Variants in ADAMTS3 observed in about 807,000 individuals in gnomAD.
The protein encoded by ADAMTS3 is A disintegrin and metalloproteinase with thrombospondin motifs 3.
In ADAMTS3, 73 loss-of-function variants were observed where a neutral mutation model predicts 129.0. The observed-to-expected ratio is 0.57, with a 90% CI of 0.47 to 0.69. ADAMTS3 has a LOEUF of 0.69. Among genes scored for constraint, ADAMTS3 ranks in the 30% least tolerant of loss-of-function variants. ADAMTS3 has a pLI of 0.00. For synonymous variants in ADAMTS3, 477 were observed against 510.8 expected, an observed-to-expected ratio of 0.93 and a Z score of 0.89; for missense variants, 1,457 against 1,514.5, an observed-to-expected ratio of 0.96 and a Z score of 0.63.
intron 3 of ADAMTS3, among the ~76,000 whole-genome samples, chr4:72,497,148 T>G (rs938841768): frequency 1.3e-5 from 2 of 151,938 alleles, no homozygotes; most frequent in African/African-American, 2.4e-5. Flanking sequence ...AATCCACAAA[T>G]TTATGATGGA....
intron 3 of ADAMTS3, among the ~76,000 whole-genome samples, chr4:72,438,387 T>C (rs953226444): frequency 6.6e-6 from 1 of 151,798 alleles, no homozygotes; most frequent in African/African-American, 2.4e-5. Context: ...TTATGAAATA[T>C]TTAATTCCTT....
rs544913185 is a variant in ADAMTS3, at chr4:72,399,122, A to T, written c.661+15693T>A. Among the ~76,000 whole-genome samples, 51 of 152,284 alleles carry T rather than the reference A, an allele frequency of 3.3e-4. No homozygotes were observed. The Middle Eastern group carries it at 0.02, about 61-fold the overall frequency. On this transcript the variant is annotated intron_variant, in intron 4 of 21. Transcript: ENST00000286657. Reference sequence around the variant, plus strand: ...AGCTTTCACTTTATTATCTAATTAAAAATGTGGAGAAAATGTTTAAGTTAT... The same window carrying T: ...AGCTTTCACTTTATTATCTAATTAATAATGTGGAGAAAATGTTTAAGTTAT...
At chr4:72,534,315 A>G (rs921521969) in intron 3 of ADAMTS3, among the ~76,000 whole-genome samples, 2 of 151,914 alleles carry the variant, frequency 1.3e-5, no homozygotes, top group African/African-American at 4.8e-5. Flanking sequence ...CGACAGAGCG[A>G]GACTCCGTCT....
chr4:72,545,025 G>T (rs1393722605), intron 3 of ADAMTS3, among the ~76,000 whole-genome samples: 6 of 151,842 alleles, frequency 4.0e-5, no homozygotes, highest in African/African-American at 1.5e-4. Flanking sequence ...AACATGAATG[G>T]TTTAATTTAA....
At chr4:72,283,789 G>A in intron 21 of ADAMTS3, 85 bp from the exon 22 acceptor site, 1 of 1,230,456 alleles carries the variant, frequency 8.1e-7, no homozygotes, top group Non-Finnish European at 1.1e-6. Flanking sequence ...TTTAATGAAT[G>A]TAAAAAGATT....
At chr4:72,507,181 T>A (rs961079519) in intron 3 of ADAMTS3, among the ~76,000 whole-genome samples, 1 of 152,184 alleles carries the variant, frequency 6.6e-6, no homozygotes, top group African/African-American at 2.4e-5. Context: ...TTTTACTTTT[T>A]AAAAAAGAAC....
chr4:72,425,003 T>A (rs968747762), intron 3 of ADAMTS3, among the ~76,000 whole-genome samples: 5 of 152,140 alleles, frequency 3.3e-5, no homozygotes, highest in Admixed American at 6.6e-5. Context: ...GGTAGGTACT[T>A]GTTGAATGAC....
intron 20 of ADAMTS3, 88 bp from the exon 21 acceptor site, chr4:72,288,956 AC>A: frequency 1.3e-6 from 1 of 775,430 alleles, no homozygotes. Flanking sequence ...ACACACACAC[AC>A]ACACACACAC....
chr4:72,295,369 A>C (rs573065951), intron 19 of ADAMTS3, among the ~76,000 whole-genome samples: 21 of 152,104 alleles, frequency 1.4e-4, no homozygotes, highest in African/African-American at 5.1e-4. Flanking sequence ...CCCACCTCCC[A>C]AAAAAAGTCA....
At chr4:72,416,172 A>AATATAAAAATATATATACATATATGT (rs1722299189) in intron 3 of ADAMTS3, among the ~76,000 whole-genome samples, 1 of 146,084 alleles carries the variant, frequency 6.8e-6, no homozygotes, top group Non-Finnish European at 1.5e-5. Flanking sequence ...AGCAAATATA[A>AATATAAAAATATATATACATATATGT]ATATAAATAT....
chr4:72,297,970 A>C (rs906549035), intron 18 of ADAMTS3, among the ~76,000 whole-genome samples: 4 of 152,116 alleles, frequency 2.6e-5, no homozygotes. Flanking sequence ...ACCAGAGTAC[A>C]CTGAATTTGG....
At chr4:72,424,693 TG>T (rs1722527565) in intron 3 of ADAMTS3, among the ~76,000 whole-genome samples, 1 of 82,344 alleles carries the variant, frequency 1.2e-5, no homozygotes, top group Non-Finnish European at 2.6e-5. Context: ...ATGAGAGTCT[TG>T]GGGGAAAAAA....
chr4:72,517,778 A>G (rs975496940), intron 3 of ADAMTS3, among the ~76,000 whole-genome samples: 2 of 151,612 alleles, frequency 1.3e-5, no homozygotes, highest in Admixed American at 1.3e-4. Context: ...TGATCCTTTC[A>G]AAAAACCAGC....
At chr4:72,300,621 CAAAT>C (rs1352541523) in intron 17 of ADAMTS3, among the ~76,000 whole-genome samples, 1 of 152,068 alleles carries the variant, frequency 6.6e-6, no homozygotes, top group Non-Finnish European at 1.5e-5. Context: ...AGACTTCTAA[CAAAT>C]AGTGCTAAAA....
intron 3 of ADAMTS3, among the ~76,000 whole-genome samples, chr4:72,517,233 T>A (rs568475640): frequency 1.3e-5 from 2 of 152,306 alleles, no homozygotes; most frequent in East Asian, 3.9e-4. Flanking sequence ...CTGGATTCGG[T>A]TTGCCAGTAT....
chr4:72,405,302 G>A (rs1259847956), intron 4 of ADAMTS3, among the ~76,000 whole-genome samples: 1 of 152,052 alleles, frequency 6.6e-6, no homozygotes, highest in Non-Finnish European at 1.5e-5. Context: ...AATGTTCACT[G>A]ATAGATGAAT....
chr4:72,336,103 T>C (rs1020760523), intron 5 of ADAMTS3, among the ~76,000 whole-genome samples: 1 of 152,158 alleles, frequency 6.6e-6, no homozygotes, highest in Admixed American at 6.5e-5. Context: ...GGAAATGAAA[T>C]TGACAACCAG....
intron 3 of ADAMTS3, among the ~76,000 whole-genome samples, chr4:72,458,294 A>C (rs1001354247): frequency 6.6e-6 from 1 of 151,614 alleles, no homozygotes; most frequent in Admixed American, 6.6e-5. Context: ...TCCAAATTTT[A>C]GTCTCTCTCT....
At chr4:72,438,194 C>T (rs1222430921) in intron 3 of ADAMTS3, among the ~76,000 whole-genome samples, 4 of 151,614 alleles carry the variant, frequency 2.6e-5, no homozygotes, top group Non-Finnish European at 4.4e-5. Context: ...TAAACAAAGT[C>T]TGCTGAAAGA....
Sources: gnomAD v4.1 joint callset for allele counts (sites outside exome capture counted in the v4.1 genomes callset) on GRCh38, gnomAD v4.1.1 for gene constraint, MANE v1.5 for transcripts, NCBI Gene and HGNC (gene_info 2026-07-23, HGNC 2026-07-21) for gene names.